The following PDE1C variants were observed in gnomAD, a reference collection of about 807,000 sequenced individuals.
PDE1C encodes the protein dual specificity calcium/calmodulin-dependent 3',5'-cyclic nucleotide phosphodiesterase 1C.
In PDE1C, 62 loss-of-function variants were observed where a neutral mutation model predicts 93.1. The observed-to-expected ratio is 0.67, with a 90% confidence interval of 0.54 to 0.82. PDE1C has a LOEUF of 0.82. PDE1C is among the 40% of genes least tolerant of loss of function. PDE1C has a pLI of 0.00. For synonymous variants in PDE1C, 325 were observed against 310.1 expected (o/e 1.05, Z -0.50); for missense variants, 742 against 884.6 (o/e 0.84, Z 2.04).
chr7:31,781,553 A>G (rs1231740236), intron 16 of PDE1C, among the ~76,000 whole-genome samples: 1 of 152,178 alleles, frequency 6.6e-6, no homozygotes, highest in African/African-American at 2.4e-5. Context: ...GCACAGGGCA[A>G]CAAGCCATTG....
intron 3 of PDE1C, among the ~76,000 whole-genome samples, chr7:32,112,088 AT>A (rs1798673927): frequency 6.6e-6 from 1 of 152,198 alleles, no homozygotes. Flanking sequence ...ACTGAGAATC[AT>A]AAGGGAATCC....
chr7:31,847,952 C>T lies in PDE1C; in HGVS notation c.980+16G>A, dbSNP rs764976194. On this transcript the variant is annotated intron_variant, in intron 9 of 17. Coordinates refer to ENST00000396191, the MANE Select transcript of PDE1C (RefSeq NM_001191057.4). ...CCTTCCCTGGCCTACAAATCTCTCTCTTTTCTCATCCTTACCTCCAGTCAT... is the reference window on the plus strand; with the variant it reads ...CCTTCCCTGGCCTACAAATCTCTCTTTTTTCTCATCCTTACCTCCAGTCAT... 9.3e-6 allele frequency: 15 copies of T among 1,611,846 alleles called. No individual in the cohort carries two copies. Among genetic ancestry groups the T allele is most frequent in the Non-Finnish European group, 5.9e-6 (7 of 1,179,174 alleles).
intron 2 of PDE1C, among the ~76,000 whole-genome samples, chr7:31,996,396 C>A (rs1295416619): frequency 2.6e-5 from 4 of 152,124 alleles, no homozygotes; most frequent in Admixed American, 1.3e-4. Context: ...AGTCTTTACA[C>A]ACTCAGAAAA....
chr7:31,882,597 C>CA (rs1797389267), intron 2 of PDE1C, among the ~76,000 whole-genome samples: 1 of 152,100 alleles, frequency 6.6e-6, no homozygotes, highest in Admixed American at 6.5e-5. Flanking sequence ...AGTTTAGTCT[C>CA]AAAAATGAAA....
At chr7:32,309,363 G>A (rs1177352339) in intron 1 of PDE1C, among the ~76,000 whole-genome samples, 1 of 152,176 alleles carries the variant, frequency 6.6e-6, no homozygotes, top group African/African-American at 2.4e-5. Context: ...AGTCCAGCAA[G>A]GCAGGCCAAC....
At chr7:32,049,517 A>C (rs1793055066) in intron 2 of PDE1C, among the ~76,000 whole-genome samples, 1 of 152,120 alleles carries the variant, frequency 6.6e-6, no homozygotes, top group South Asian at 2.1e-4. Context: ...GCCCAAATAG[A>C]AACAGAAACT....
At chr7:32,387,083 G>C (rs1438479189) in intron 1 of PDE1C, among the ~76,000 whole-genome samples, 7 of 151,334 alleles carry the variant, frequency 4.6e-5, no homozygotes, top group Non-Finnish European at 8.8e-5. Flanking sequence ...GACTCTTAAC[G>C]AGCATGCTGC....
intron 1 of PDE1C, among the ~76,000 whole-genome samples, chr7:32,398,025 C>T (rs1164497098): frequency 2.6e-5 from 4 of 152,080 alleles, no homozygotes; most frequent in East Asian, 3.9e-4. Context: ...TGGTGGCGGG[C>T]GCCTGTAGTC....
intron 2 of PDE1C, among the ~76,000 whole-genome samples, chr7:32,000,993 C>CGTGTGTGTGT (rs34671338): frequency 5.4e-5 from 8 of 149,072 alleles, no homozygotes; most frequent in African/African-American, 2.0e-4. Context: ...TGTGTGTATA[C>CGTGTGTGTGT]GTGTGTGTGT....
At chr7:31,840,716 C>T (rs1791750739) in intron 9 of PDE1C, among the ~76,000 whole-genome samples, 1 of 152,114 alleles carries the variant, frequency 6.6e-6, no homozygotes, top group Non-Finnish European at 1.5e-5. Flanking sequence ...ATTAATTTGG[C>T]ATCATAAATC....
chr7:31,911,890 T>C (rs563735684), intron 2 of PDE1C, among the ~76,000 whole-genome samples: 9 of 152,322 alleles, frequency 5.9e-5, no homozygotes, highest in Admixed American at 3.9e-4. Flanking sequence ...CTGTTGTCCA[T>C]ACCTCCTAAG....
intron 2 of PDE1C, among the ~76,000 whole-genome samples, chr7:32,036,260 T>A (rs1343328401): frequency 1.3e-5 from 2 of 152,152 alleles, no homozygotes; most frequent in South Asian, 4.1e-4. Context: ...CCCCAGCATA[T>A]CCATCCTACG....
intron 9 of PDE1C, among the ~76,000 whole-genome samples, chr7:31,846,362 A>G (rs1281668747): frequency 2.0e-5 from 3 of 151,822 alleles, no homozygotes; most frequent in Non-Finnish European, 4.4e-5. Flanking sequence ...AAAGCCTGAC[A>G]AAAACAAGCT....
rs147202510 is a variant in PDE1C at position 31,889,683 on chromosome 7, T to C, written c.129-8823A>G. On this transcript the variant is annotated intron_variant, in intron 2 of 17. Coordinates refer to ENST00000396191, the MANE Select transcript of PDE1C (RefSeq NM_001191057.4). ...GTGAGAGTATGTGGGCAACTGTGTG[T>C]CCAAAGTGAGTGTGTCAGCTCACTG... Among the ~76,000 whole-genome samples the C allele has an allele frequency of 8.1e-4, 124 of 152,308 alleles. 1 individual carries two copies. Among genetic ancestry groups the C allele is most frequent in the Admixed American group, 1.6e-3 (25 of 15,290 alleles).
chr7:32,157,354 A>G (rs1801636681), intron 3 of PDE1C, among the ~76,000 whole-genome samples: 1 of 152,184 alleles, frequency 6.6e-6, no homozygotes, highest in Non-Finnish European at 1.5e-5. Flanking sequence ...CCCAAAACAA[A>G]GATAATTGTT....
intron 9 of PDE1C, 97 bp downstream of exon 9, chr7:31,847,871 T>A: frequency 7.6e-7 from 1 of 1,311,502 alleles, no homozygotes; most frequent in Non-Finnish European, 1.1e-6. Context: ...CGAATCAACA[T>A]TTTAAGCAAG....
intron 1 of PDE1C, among the ~76,000 whole-genome samples, chr7:32,378,440 C>T (rs1179124073): frequency 6.6e-6 from 1 of 152,064 alleles, no homozygotes; most frequent in Non-Finnish European, 1.5e-5. Flanking sequence ...TTCCCCAAAA[C>T]TCCACTGCCT....
chr7:32,327,048 T>C (rs1562675390), intron 1 of PDE1C, among the ~76,000 whole-genome samples: 1 of 152,142 alleles, frequency 6.6e-6, no homozygotes, highest in Non-Finnish European at 1.5e-5. Flanking sequence ...CATTCCTACT[T>C]AGCCTCTCTT....
At chr7:31,999,163 G>T (rs950598951) in intron 2 of PDE1C, among the ~76,000 whole-genome samples, 13 of 152,128 alleles carry the variant, frequency 8.5e-5, no homozygotes, top group African/African-American at 3.1e-4. Flanking sequence ...ATGTGGGGAG[G>T]GGACAGTTGG....
Sources: allele counts gnomAD v4.1 joint callset (sites outside exome capture counted in the v4.1 genomes callset), GRCh38; gene constraint gnomAD v4.1.1; transcripts MANE v1.5; gene names NCBI Gene and HGNC (gene_info 2026-07-23, HGNC 2026-07-21).